IL1RAPL2: variants seen among roughly 807,000 people sequenced by gnomAD.
IL1RAPL2 encodes interleukin 1 receptor accessory protein like 2, also known as X-linked interleukin-1 receptor accessory protein-like 2.
A neutral mutation model predicts 44.1 loss-of-function variants in IL1RAPL2; 3 were observed. That is an observed-to-expected ratio of 0.07 (90% confidence interval 0.03 to 0.18). The LOEUF (loss-of-function observed/expected upper bound fraction) is 0.18, where lower values mean the gene tolerates loss of function less well. IL1RAPL2 is among the 10% of genes least tolerant of loss of function. The pLI is 1.00. For synonymous variants in IL1RAPL2, 181 were observed against 178.8 expected (o/e 1.01, Z -0.10); for missense variants, 391 against 496.4 (o/e 0.79, Z 2.02).
At chrX:105,158,361 A>G (rs1446847978) in intron 2 of IL1RAPL2, among the ~76,000 whole-genome samples, 4 of 110,867 alleles carry the variant, frequency 3.6e-5, no homozygotes, top group African/African-American at 1.3e-4. Flanking sequence ...TCCGTCTCAA[A>G]AAAAAAAGAA....
chrX:105,115,802 C>T (rs2032851807), intron 2 of IL1RAPL2, among the ~76,000 whole-genome samples: 1 of 112,751 alleles, frequency 8.9e-6, no homozygotes, highest in Admixed American at 9.3e-5. Context: ...GAGCAGAGAG[C>T]GGCGCTCGTC....
At chrX:105,366,190 G>C (rs1208041496) in intron 5 of IL1RAPL2, among the ~76,000 whole-genome samples, 2 of 110,880 alleles carry the variant, frequency 1.8e-5, no homozygotes, top group South Asian at 3.8e-4. Context: ...CAAGTGATCT[G>C]CCCACCTCAG....
At chrX:104,615,509 G>A (rs1291981156) in intron 1 of IL1RAPL2, among the ~76,000 whole-genome samples, 1 of 109,747 alleles carries the variant, frequency 9.1e-6, no homozygotes, top group East Asian at 2.9e-4. Context: ...TTAGTTTGCT[G>A]ACAGTAATGG....
At chrX:104,829,873 T>C (rs1401040493) in intron 2 of IL1RAPL2, among the ~76,000 whole-genome samples, 1 of 111,985 alleles carries the variant, frequency 8.9e-6, no homozygotes, top group East Asian at 2.8e-4. Context: ...TAGCGTTCTG[T>C]TAAATGCTTA....
intron 2 of IL1RAPL2, among the ~76,000 whole-genome samples, chrX:105,024,950 A>G (rs1205585900): frequency 2.9e-5 from 3 of 104,752 alleles, no homozygotes; most frequent in African/African-American, 7.0e-5. Context: ...ATAGAAATAC[A>G]TTTTCTATGC....
At chrX:104,668,454 C>G (rs760003047) in intron 2 of IL1RAPL2, among the ~76,000 whole-genome samples, 1 of 101,985 alleles carries the variant, frequency 9.8e-6, no homozygotes, top group Non-Finnish European at 2.0e-5. Context: ...TTAGGTATAT[C>G]TCCTAATGCT....
chrX:104,686,182 C>T (rs1302924270), intron 2 of IL1RAPL2, among the ~76,000 whole-genome samples: 2 of 110,738 alleles, frequency 1.8e-5, no homozygotes, highest in African/African-American at 3.3e-5. Context: ...TAAAGGGTAC[C>T]ACCAGACAGT....
chrX:105,758,989 T>C (rs2038663638), intron 10 of IL1RAPL2, among the ~76,000 whole-genome samples: 1 of 111,853 alleles, frequency 8.9e-6, no homozygotes, highest in South Asian at 3.8e-4. Context: ...GCCTAGAGGA[T>C]CCTTGAGGAA....
At chrX:105,082,508 A>G (rs950980781) in intron 2 of IL1RAPL2, among the ~76,000 whole-genome samples, 3 of 111,311 alleles carry the variant, frequency 2.7e-5, no homozygotes, top group African/African-American at 9.8e-5. Flanking sequence ...TGAATGGGAG[A>G]TACCTCCCAG....
intron 2 of IL1RAPL2, among the ~76,000 whole-genome samples, chrX:104,772,830 G>A (rs906340057): frequency 1.8e-5 from 2 of 112,083 alleles, no homozygotes; most frequent in Non-Finnish European, 3.8e-5. Flanking sequence ...TTGAGTTAGG[G>A]AGACTTAACC....
In IL1RAPL2 at chrX:105,338,047, A is replaced by G. The variant is rs186182965; in HGVS notation, c.697+70506A>G. On this transcript the variant is annotated intron_variant, in intron 5 of 10. Transcript: ENST00000372582. ...TATGAATGGCAAGACATGGGTTTTAAGAGAAACCACAAAGTTTGGGAAAAG... is the reference window on the plus strand; with the variant it reads ...TATGAATGGCAAGACATGGGTTTTAGGAGAAACCACAAAGTTTGGGAAAAG... 4.4e-3 allele frequency among the ~76,000 whole-genome samples: 494 copies of G among 112,638 alleles called. 5 individuals are homozygous for G. Among genetic ancestry groups the G allele is most frequent in the African/African-American group, 0.015 (468 of 31,100 alleles).
chrX:105,739,344 GATTT>G (rs200228386), intron 7 of IL1RAPL2, among the ~76,000 whole-genome samples: 108 of 108,578 alleles, frequency 9.9e-4, no homozygotes, highest in Admixed American at 3.3e-3. Flanking sequence ...AATGTTTTAC[GATTT>G]ATTTATTTAT....
At chrX:104,974,312 C>G (rs1569354182) in intron 2 of IL1RAPL2, among the ~76,000 whole-genome samples, 1 of 111,855 alleles carries the variant, frequency 8.9e-6, no homozygotes. Context: ...AGTGATTTAC[C>G]TAGCTAAAAA....
rs183059186 is a variant in IL1RAPL2 at position 104,754,668 on chromosome X, T to C, written c.82+95673T>C. Among the ~76,000 whole-genome samples, 287 of 111,854 alleles carry C rather than the reference T, an allele frequency of 2.6e-3. 2 individuals carry two copies. Among genetic ancestry groups the C allele is most frequent in the African/African-American group, 9.0e-3 (277 of 30,926 alleles). On this transcript the variant is annotated intron_variant, in intron 2 of 10. Transcript: ENST00000372582. ...AATGGATATGACAATATGATATTTA[T>C]GATTATATCTGGTTATATTATTGTA...
chrX:105,099,001 A>T (rs1272576293), intron 2 of IL1RAPL2, among the ~76,000 whole-genome samples: 1 of 112,436 alleles, frequency 8.9e-6, no homozygotes, highest in East Asian at 2.8e-4. Flanking sequence ...TTCTCTGTGC[A>T]TTGTTTTCAG....
At chrX:105,547,521 C>T (rs963712598) in intron 6 of IL1RAPL2, among the ~76,000 whole-genome samples, 1 of 111,869 alleles carries the variant, frequency 8.9e-6, no homozygotes, top group Non-Finnish European at 1.9e-5. Flanking sequence ...CTGTGGGTCA[C>T]CAATTTGGGC....
At chrX:104,616,461 G>T (rs906713328) in intron 1 of IL1RAPL2, among the ~76,000 whole-genome samples, 3 of 111,850 alleles carry the variant, frequency 2.7e-5, no homozygotes. Context: ...TTCATGCCTG[G>T]GAATTAGATT....
At chrX:104,902,054 G>C (rs1389381321) in intron 2 of IL1RAPL2, among the ~76,000 whole-genome samples, 1 of 112,048 alleles carries the variant, frequency 8.9e-6, no homozygotes, top group African/African-American at 3.2e-5. Flanking sequence ...GTTATTAGCT[G>C]TTTGTTTCTA....
intron 2 of IL1RAPL2, among the ~76,000 whole-genome samples, chrX:104,785,270 C>T (rs1302475770): frequency 8.9e-6 from 1 of 111,815 alleles, no homozygotes; most frequent in East Asian, 2.8e-4. Flanking sequence ...TGTGCCTTGG[C>T]CTCCCAAAGT....
Sources: allele counts gnomAD v4.1 joint callset (sites outside exome capture counted in the v4.1 genomes callset), GRCh38; gene constraint gnomAD v4.1.1; transcripts MANE v1.5; gene names NCBI Gene and HGNC (gene_info 2026-07-23, HGNC 2026-07-21).